Variants in ADAMTS17 observed in about 807,000 individuals in gnomAD.
The protein encoded by ADAMTS17 is A disintegrin and metalloproteinase with thrombospondin motifs 17.
ADAMTS17 carries 113 observed loss-of-function variants against 141.5 expected under a neutral mutation model. The ratio of observed to expected loss-of-function variants is 0.80; its 90% CI spans 0.69 to 0.93. The LOEUF (loss-of-function observed/expected upper bound fraction) is 0.93, where lower values mean the gene tolerates loss of function less well. Ranked by LOEUF, ADAMTS17 falls within the 40% of genes least tolerant of loss-of-function variation. The probability of loss-of-function intolerance (pLI) is 0.00; values close to 1 mark genes in which losing one functional copy is unlikely to be tolerated. For missense variants in ADAMTS17, 1,659 were observed against 1,517.9 expected (o/e 1.09, Z -1.54); for synonymous variants, 768 against 630.6 (o/e 1.22, Z -3.27).
chr15:100,182,364 T>C (rs2141537122), intron 8 of ADAMTS17, among the ~76,000 whole-genome samples: 1 of 152,308 alleles, frequency 6.6e-6, no homozygotes, highest in East Asian at 1.9e-4. Flanking sequence ...CCCTCAAGAC[T>C]TGGGGATTAC....
chr15:100,054,694 G>A (rs1373825955), intron 15 of ADAMTS17, among the ~76,000 whole-genome samples: 1 of 152,236 alleles, frequency 6.6e-6, no homozygotes, highest in Non-Finnish European at 1.5e-5. Context: ...TGGACGAGCA[G>A]TGGTTGGGGG....
chr15:100,112,942 GCT>G (rs1224010205), intron 13 of ADAMTS17, among the ~76,000 whole-genome samples: 1 of 152,134 alleles, frequency 6.6e-6, no homozygotes, highest in East Asian at 1.9e-4. Context: ...CAGTCTCTCT[GCT>G]CTCTCTCTAG....
At position 100,294,042 on chromosome 15, in the gene ADAMTS17, G is replaced by A. The variant is rs143731141; in HGVS notation, c.617-12641C>T. The stretch of plus-strand genomic sequence containing the variant: ...GTGGGTGAGTTTCCTTGTCTATAAG[G>A]CAAGATGATAATCGTTCTGCCCTCT... On this transcript the variant is annotated intron_variant, in intron 3 of 21. Coordinates refer to ENST00000268070, the MANE Select transcript of ADAMTS17 (RefSeq NM_139057.4). Among the ~76,000 whole-genome samples, 190 of 152,234 alleles carry A rather than the reference G, an allele frequency of 1.2e-3. 1 individual carries two copies. The highest frequency in any genetic ancestry group is 4.3e-3 in the African/African-American group (179 of 41,540).
At chr15:99,976,514 C>T (rs1193630087) in intron 20 of ADAMTS17, 11 of 573,056 alleles carry the variant, frequency 1.9e-5, no homozygotes, top group African/African-American at 1.7e-4. Flanking sequence ...ACAGCAGCTG[C>T]CTGATAGAAG....
chr15:100,074,127 T>C (rs947146888), intron 15 of ADAMTS17: 1 of 153,166 alleles, frequency 6.5e-6, no homozygotes, highest in South Asian at 2.1e-4. Flanking sequence ...TAACCAGACC[T>C]GACCTTGCTT....
In ADAMTS17 at chr15:100,272,742, T is replaced by C. The variant is rs539663556; in HGVS notation, c.789+8487A>G. Among the ~76,000 whole-genome samples, 48 of 151,364 alleles carry C rather than the reference T, an allele frequency of 3.2e-4. 1 individual carries two copies. The highest frequency in any genetic ancestry group is 2.5e-3 in the South Asian group (12 of 4,740). On this transcript the variant is annotated intron_variant, in intron 4 of 21. Transcript: ENST00000268070. ...CTTCCAGTGTTATGTTGAACAGAAGTAGCAAAAGCAGGCACTCTTGCCTTG... is the reference window on the plus strand; with the variant it reads ...CTTCCAGTGTTATGTTGAACAGAAGCAGCAAAAGCAGGCACTCTTGCCTTG...
chr15:100,051,247 T>C (rs12437869), intron 17 of ADAMTS17, among the ~76,000 whole-genome samples: 48,052 of 151,898 alleles, frequency 0.32, 8,684 homozygotes, highest in East Asian at 0.49. Flanking sequence ...GCAGCAGCAG[T>C]TGAAGGTCTA....
intron 18 of ADAMTS17, among the ~76,000 whole-genome samples, chr15:100,019,063 C>T (rs766077111): frequency 1.3e-5 from 2 of 152,180 alleles, no homozygotes; most frequent in Admixed American, 6.5e-5. Flanking sequence ...AATCCACCTA[C>T]GTGTCCATCG....
At chr15:100,244,470 TGG>T in intron 7 of ADAMTS17, among the ~76,000 whole-genome samples, 1 of 151,366 alleles carries the variant, frequency 6.6e-6, no homozygotes, top group Admixed American at 6.6e-5. Flanking sequence ...TCACGTGTCA[TGG>T]GAGGGACCTG....
intron 15 of ADAMTS17, among the ~76,000 whole-genome samples, chr15:100,090,450 C>G (rs2035385809): frequency 6.6e-6 from 1 of 152,222 alleles, no homozygotes; most frequent in South Asian, 2.1e-4. Flanking sequence ...ATTCCTTTCC[C>G]TCATTCCACA....
intron 18 of ADAMTS17, among the ~76,000 whole-genome samples, chr15:100,019,743 T>A (rs915825959): frequency 2.0e-5 from 3 of 152,250 alleles, no homozygotes; most frequent in African/African-American, 4.8e-5. Flanking sequence ...CTACGTCTGC[T>A]GTGGAATTTG....
intron 3 of ADAMTS17, among the ~76,000 whole-genome samples, chr15:100,316,055 G>GT (rs1380458372): frequency 6.6e-6 from 1 of 152,244 alleles, no homozygotes; most frequent in East Asian, 1.9e-4. Context: ...AGATCAACAG[G>GT]TTGTTCATGC....
chr15:100,242,140 C>T (rs2042846089), intron 7 of ADAMTS17, among the ~76,000 whole-genome samples: 1 of 152,190 alleles, frequency 6.6e-6, no homozygotes, highest in Non-Finnish European at 1.5e-5. Flanking sequence ...CAAACATTCT[C>T]CCTCAAATTG....
chr15:100,155,064 T>G, intron 9 of ADAMTS17, 116 bp downstream of exon 9: 1 of 1,519,278 alleles, frequency 6.6e-7, no homozygotes, highest in Non-Finnish European at 9.0e-7. Flanking sequence ...TGAGGCTAGA[T>G]GCAAATCCCA....
At chr15:100,251,232 G>A (rs898300247) in intron 7 of ADAMTS17, among the ~76,000 whole-genome samples, 16 of 152,134 alleles carry the variant, frequency 1.1e-4, no homozygotes, top group African/African-American at 3.1e-4. Context: ...ACCCAGTCCC[G>A]ACCATTAAAA....
At chr15:100,171,475 G>A (rs1212328947) in intron 8 of ADAMTS17, among the ~76,000 whole-genome samples, 1 of 152,164 alleles carries the variant, frequency 6.6e-6, no homozygotes, top group Non-Finnish European at 1.5e-5. Flanking sequence ...TCACTCAAGT[G>A]ACACAAACCC....
At chr15:100,096,533 A>G (rs2035770344) in intron 14 of ADAMTS17, 57 bp from the exon 15 acceptor site, 1 of 1,612,672 alleles carries the variant, frequency 6.2e-7, no homozygotes, top group East Asian at 2.2e-5. Flanking sequence ...AGTTTTAAAG[A>G]GGCTGCCCTG....
At chr15:100,040,629 G>A (rs1323339123) in intron 18 of ADAMTS17, among the ~76,000 whole-genome samples, 1 of 151,508 alleles carries the variant, frequency 6.6e-6, no homozygotes, top group Non-Finnish European at 1.5e-5. Context: ...CTGGTACCAG[G>A]GCATTCTCTC....
intron 7 of ADAMTS17, among the ~76,000 whole-genome samples, chr15:100,219,734 C>A (rs143066907): frequency 3.5e-4 from 54 of 152,290 alleles, no homozygotes; most frequent in African/African-American, 1.3e-3. Flanking sequence ...TCTGACTGTT[C>A]TGGGTAAAAG....
Sources: gnomAD v4.1 joint callset for allele counts (sites outside exome capture counted in the v4.1 genomes callset) on GRCh38, gnomAD v4.1.1 for gene constraint, MANE v1.5 for transcripts, NCBI Gene and HGNC (gene_info 2026-07-23, HGNC 2026-07-21) for gene names.